The following PELI2 variants were observed in gnomAD, a reference collection of about 807,000 sequenced individuals.
The protein encoded by PELI2 is E3 ubiquitin-protein ligase pellino homolog 2.
A neutral mutation model predicts 42.3 loss-of-function variants in PELI2; 23 were observed. The ratio of observed to expected loss-of-function variants is 0.54; its 90% CI spans 0.39 to 0.77. PELI2 has a LOEUF of 0.77. Ranked by LOEUF, PELI2 falls within the 30% of genes least tolerant of loss-of-function variation. The pLI is 0.00. For missense variants in PELI2, 463 were observed against 553.2 expected (o/e 0.84, Z 1.64); for synonymous variants, 245 against 212.2 (o/e 1.15, Z -1.34).
At chr14:56,136,572 T>C (rs1037843824) in intron 1 of PELI2, among the ~76,000 whole-genome samples, 1 of 152,140 alleles carries the variant, frequency 6.6e-6, no homozygotes, top group African/African-American at 2.4e-5. Context: ...TAAATAAGAA[T>C]AAAAATAATA....
intron 1 of PELI2, among the ~76,000 whole-genome samples, chr14:56,163,096 C>T (rs1884826288): frequency 6.6e-6 from 1 of 151,940 alleles, no homozygotes; most frequent in Admixed American, 6.6e-5. Flanking sequence ...CTTGATGTGA[C>T]AAATGGCGCT....
chr14:56,138,135 G>C (rs1463331238), intron 1 of PELI2, among the ~76,000 whole-genome samples: 1 of 152,206 alleles, frequency 6.6e-6, no homozygotes, highest in Non-Finnish European at 1.5e-5. Flanking sequence ...TGATGCCTGC[G>C]TCTGTTAGGT....
At position 56,219,858 on chromosome 14, in the gene PELI2, G is replaced by GA. The variant is rs1461831280; in HGVS notation, c.207+41397dup. Reference sequence around the variant, plus strand: ...ACTTGAGGCAGCTGACATTCTTACAGAAAGAGTCCCTTGTTATGTCTTTAA... The same window carrying GA: ...ACTTGAGGCAGCTGACATTCTTACAGAAAAGAGTCCCTTGTTATGTCTTTAA... On this transcript the variant is annotated intron_variant, in intron 2 of 5. Coordinates refer to ENST00000267460, the MANE Select transcript of PELI2 (RefSeq NM_021255.3). The surrounding 1 kb of genome is among the most constrained non-coding windows in gnomAD (Gnocchi z 4.1). Among the ~76,000 whole-genome samples, 3 of 152,172 alleles carry GA rather than the reference G, an allele frequency of 2.0e-5. No individual in the cohort carries two copies. Among genetic ancestry groups the GA allele is most frequent in the Non-Finnish European group, 2.9e-5 (2 of 68,022 alleles).
At chr14:56,246,952 C>T (rs553917381) in intron 2 of PELI2, among the ~76,000 whole-genome samples, 2 of 152,314 alleles carry the variant, frequency 1.3e-5, no homozygotes, top group South Asian at 2.1e-4. Flanking sequence ...TTCTCCACCC[C>T]AGTAACCATG....
intron 2 of PELI2, among the ~76,000 whole-genome samples, chr14:56,224,085 GA>G (rs1887253339): frequency 6.6e-6 from 1 of 152,196 alleles, no homozygotes; most frequent in African/African-American, 2.4e-5. Flanking sequence ...GAAAAGAAAG[GA>G]GACCGATGAA....
intron 5 of PELI2, among the ~76,000 whole-genome samples, chr14:56,292,170 A>G (rs1430951253): frequency 6.6e-6 from 1 of 152,258 alleles, no homozygotes; most frequent in Non-Finnish European, 1.5e-5. Flanking sequence ...AATGAGTTGT[A>G]TTAAATATAC....
chr14:56,158,949 C>G (rs1459569849), intron 1 of PELI2, among the ~76,000 whole-genome samples: 1 of 152,148 alleles, frequency 6.6e-6, no homozygotes, highest in Non-Finnish European at 1.5e-5. Flanking sequence ...TTTCTTACAA[C>G]TGATATTAAA....
chr14:56,285,393 C>T (rs1159685493), intron 3 of PELI2, among the ~76,000 whole-genome samples: 1 of 152,100 alleles, frequency 6.6e-6, no homozygotes, highest in African/African-American at 2.4e-5. Flanking sequence ...AAGGGGGATC[C>T]AAGTTCTGTT....
intron 1 of PELI2, among the ~76,000 whole-genome samples, chr14:56,130,519 A>G (rs575053437): frequency 2.0e-5 from 3 of 152,186 alleles, no homozygotes; most frequent in South Asian, 4.1e-4. Context: ...TCACTCATTC[A>G]AAGAAGTTAC....
At position 56,155,076 on chromosome 14, in the gene PELI2, A is replaced by T. The variant is rs1191947590; in HGVS notation, c.78-23259A>T. ...CAGTTTTTCTCTTGTGTCTATGAAG[A>T]TATCTGTGTCTTCCCTTTATTTGTA... On this transcript the variant is annotated intron_variant, in intron 1 of 5. Transcript: ENST00000267460. Among the ~76,000 whole-genome samples, 3 of 152,264 alleles carry T rather than the reference A, an allele frequency of 2.0e-5. No individual in the cohort carries two copies. In the East Asian group the frequency reaches 5.8e-4, roughly 29 times the overall value.
chr14:56,168,606 C>A (rs1387007485), intron 1 of PELI2, among the ~76,000 whole-genome samples: 2 of 151,896 alleles, frequency 1.3e-5, no homozygotes, highest in African/African-American at 4.8e-5. Context: ...ACCAGAAATG[C>A]CATCCAAGAG....
Position 56,288,498 on chromosome 14 carries a change from A to G in PELI2, c.371A>G (p.Gln124Arg), listed in dbSNP as rs775486190. The G allele has an allele frequency of 2.2e-5, 36 of 1,614,170 alleles. No homozygotes were observed. The highest frequency in any genetic ancestry group is 2.0e-4 in the South Asian group (18 of 91,072). Residue 124 changes from glutamine (Q) to arginine (R), a missense_variant, in exon 4 of 6, where the codon CAG (glutamine) becomes CGG (arginine). Physicochemically the swap from Gln to Arg is conservative, Grantham distance 43. This residue lies in a region of PELI2 where 343 missense variants were observed against 378.4 expected (regional missense o/e 0.91). Transcript: ENST00000267460. This position sits in a 1 kb window ranked among gnomAD's most constrained non-coding sequence, Gnocchi z 4.6. ...FVVTDTISGS[Q>R]NTDEAQITQS... The stretch of plus-strand genomic sequence containing the variant: ...GTCACAGACACGATTTCTGGCAGCC[A>G]GAACACGGACGAAGCCCAGATCACA...
intron 2 of PELI2, among the ~76,000 whole-genome samples, chr14:56,210,096 C>A (rs1034826563): frequency 6.6e-6 from 1 of 151,724 alleles, no homozygotes; most frequent in African/African-American, 2.4e-5. Context: ...GATAATGGTA[C>A]TGTGGTTATG....
At position 56,298,377 on chromosome 14, in the gene PELI2, C is replaced by G. The variant is rs936924549; in HGVS notation, c.*1211C>G. The G allele has an allele frequency of 1.3e-5, 2 of 152,420 alleles. No homozygotes were observed. Among genetic ancestry groups the G allele is most frequent in the African/African-American group, 4.8e-5 (2 of 41,456 alleles). 9.4% of individuals were successfully genotyped at this position (152,420 alleles called of 1,614,324 possible). A position where few individuals can be genotyped will look rare whatever the true frequency, so the allele number is the denominator to read the frequency against. On this transcript the variant is annotated 3_prime_UTR_variant, in exon 6 of 6. Coordinates refer to ENST00000267460, the MANE Select transcript of PELI2 (RefSeq NM_021255.3). ...AAATGAGAATTTCATAGGAGCTCCA[C>G]CATTCCTGTTACTTTCATTTCATTT...
At chr14:56,242,014 G>A (rs1326012753) in intron 2 of PELI2, among the ~76,000 whole-genome samples, 4 of 152,220 alleles carry the variant, frequency 2.6e-5, no homozygotes, top group African/African-American at 9.6e-5. Context: ...CCAGGATGGT[G>A]AGAGGCACAG....
chr14:56,261,268 C>A (rs1460994542), intron 2 of PELI2, among the ~76,000 whole-genome samples: 1 of 152,330 alleles, frequency 6.6e-6, no homozygotes, highest in South Asian at 2.1e-4. Context: ...AATGGCCACT[C>A]ATTTCTATTG....
chr14:56,147,700 A>C (rs1331920081), intron 1 of PELI2, among the ~76,000 whole-genome samples: 1 of 152,244 alleles, frequency 6.6e-6, no homozygotes, highest in Non-Finnish European at 1.5e-5. Context: ...CATCGTTATA[A>C]TTCTCTGTCT....
intron 1 of PELI2, among the ~76,000 whole-genome samples, chr14:56,142,957 GA>G (rs1222689168): frequency 3.3e-5 from 5 of 151,966 alleles, no homozygotes; most frequent in African/African-American, 1.2e-4. Context: ...CATATTCATG[GA>G]AAAATTATGG....
chr14:56,237,108 T>C (rs4143948), intron 2 of PELI2, among the ~76,000 whole-genome samples: 61,251 of 151,972 alleles, frequency 0.4, 13,069 homozygotes, highest in South Asian at 0.53. Context: ...TTCCTGCCCT[T>C]ACTTAAGCTT....
Sources: allele counts gnomAD v4.1 joint callset (sites outside exome capture counted in the v4.1 genomes callset), GRCh38; gene constraint gnomAD v4.1.1; regional missense constraint gnomAD v4.1.1; non-coding constraint Gnocchi (gnomAD v3.1); transcripts MANE v1.5; gene names NCBI Gene and HGNC (gene_info 2026-07-23, HGNC 2026-07-21).